Variants in FHOD3 observed in about 807,000 individuals in gnomAD.
FHOD3 encodes formin homology 2 domain containing 3.
In FHOD3, 90 loss-of-function variants were observed where a neutral mutation model predicts 173.0. That is an observed-to-expected ratio of 0.52 (90% confidence interval 0.44 to 0.62). FHOD3 has a LOEUF of 0.62. Among genes scored for constraint, FHOD3 ranks in the 20% least tolerant of loss-of-function variants. The pLI is 0.00. For synonymous variants in FHOD3, 828 were observed against 823.0 expected (o/e 1.01, Z -0.10); for missense variants, 1,945 against 2,034.7 (o/e 0.96, Z 0.85).
At chr18:36,434,628 T>G (rs2050720327) in intron 3 of FHOD3, among the ~76,000 whole-genome samples, 1 of 152,200 alleles carries the variant, frequency 6.6e-6, no homozygotes, top group Non-Finnish European at 1.5e-5. Flanking sequence ...GCAGTGAAAG[T>G]GAATCTGTAG....
In FHOD3 at chr18:36,765,947, C is replaced by T. The variant is rs553673427; in HGVS notation, c.4625-3318C>T. Among the ~76,000 whole-genome samples, 131 of 151,984 alleles carry T rather than the reference C, an allele frequency of 8.6e-4. 1 individual carries two copies. Among genetic ancestry groups the T allele is most frequent in the Middle Eastern group, 3.4e-3 (1 of 294 alleles). ...AGAGATGGCTGAGAATTTACCAAAA[C>T]AGATAAATATCAACCAACATATTTA... On this transcript the variant is annotated intron_variant, in intron 27 of 28. Transcript: ENST00000590592.
intron 3 of FHOD3, among the ~76,000 whole-genome samples, chr18:36,484,753 G>C (rs912608951): frequency 6.6e-6 from 1 of 152,150 alleles, no homozygotes; most frequent in African/African-American, 2.4e-5. Context: ...AGCCCCCCAG[G>C]GGGTGTGGTG....
chr18:36,770,770 T>A (rs1176982904), intron 28 of FHOD3, among the ~76,000 whole-genome samples: 2 of 152,180 alleles, frequency 1.3e-5, no homozygotes, highest in Non-Finnish European at 2.9e-5. Flanking sequence ...CAGAGATGTT[T>A]AAATTCCTGA....
intron 3 of FHOD3, among the ~76,000 whole-genome samples, chr18:36,408,031 C>A (rs951075425): frequency 1.1e-4 from 17 of 152,162 alleles, no homozygotes; most frequent in African/African-American, 3.9e-4. Context: ...GTGGCCTTGG[C>A]TGCTCAACTT....
chr18:36,449,731 ATTAG>A (rs1184208243), intron 3 of FHOD3, among the ~76,000 whole-genome samples: 2 of 152,170 alleles, frequency 1.3e-5, no homozygotes, highest in African/African-American at 4.8e-5. Context: ...ATACATAATA[ATTAG>A]TTTGTTCAGT....
intron 27 of FHOD3, among the ~76,000 whole-genome samples, 190 bp from the exon 28 acceptor site, chr18:36,769,075 G>A (rs751603823): frequency 6.6e-5 from 10 of 152,208 alleles, no homozygotes; most frequent in African/African-American, 1.4e-4. Flanking sequence ...GCAGTCACGA[G>A]TTATGGTGGT....
intron 3 of FHOD3, among the ~76,000 whole-genome samples, chr18:36,474,131 C>G (rs1476050806): frequency 1.3e-5 from 2 of 151,372 alleles, no homozygotes; most frequent in African/African-American, 4.9e-5. Context: ...ACTTATGCAT[C>G]ATAGAACAGT....
At chr18:36,363,590 A>G (rs779212795) in intron 2 of FHOD3, among the ~76,000 whole-genome samples, 9 of 152,188 alleles carry the variant, frequency 5.9e-5, no homozygotes, top group Non-Finnish European at 1.3e-4. Flanking sequence ...GAGAAAGGCA[A>G]AAAGCTATGG....
At chr18:36,528,993 G>A (rs964076647) in intron 5 of FHOD3, among the ~76,000 whole-genome samples, 6 of 152,174 alleles carry the variant, frequency 3.9e-5, no homozygotes, top group African/African-American at 1.2e-4. Context: ...ATGCTCTTGG[G>A]AGAGGATTCT....
At chr18:36,410,702 A>G (rs1221579027) in intron 3 of FHOD3, among the ~76,000 whole-genome samples, 1 of 152,120 alleles carries the variant, frequency 6.6e-6, no homozygotes, top group African/African-American at 2.4e-5. Context: ...GTTTTTAGTG[A>G]GTTTGAAATT....
intron 3 of FHOD3, among the ~76,000 whole-genome samples, chr18:36,478,694 C>T (rs1188557165): frequency 6.6e-6 from 1 of 152,122 alleles, no homozygotes. Flanking sequence ...TGGATTGTAT[C>T]CCACTTCTCT....
At chr18:36,614,797 G>T (rs1213797744) in intron 9 of FHOD3, among the ~76,000 whole-genome samples, 2 of 146,028 alleles carry the variant, frequency 1.4e-5, no homozygotes, top group African/African-American at 5.1e-5. Flanking sequence ...TATAGTTTCT[G>T]TGGAGAAATA....
intron 5 of FHOD3, among the ~76,000 whole-genome samples, chr18:36,552,292 CTGTT>C (rs2057690500): frequency 6.6e-6 from 1 of 152,038 alleles, no homozygotes; most frequent in East Asian, 1.9e-4. Context: ...ATTTGATGCT[CTGTT>C]TGTCTGTTAT....
intron 5 of FHOD3, among the ~76,000 whole-genome samples, chr18:36,527,254 A>G (rs944486819): frequency 1.3e-5 from 2 of 152,228 alleles, no homozygotes; most frequent in Admixed American, 1.3e-4. Context: ...AGAGAAGCAC[A>G]TCATCATCTG....
In FHOD3 at chr18:36,779,593, C is replaced by T; in HGVS notation, c.*63C>T. 6.8e-7 allele frequency: 1 copy of T among 1,469,246 alleles called. No homozygotes were observed. Among genetic ancestry groups the T allele is most frequent in the South Asian group, 1.1e-5 (1 of 87,868 alleles). 91.0% of individuals were successfully genotyped at this position (1,469,246 alleles called of 1,614,324 possible). A position where few individuals can be genotyped will look rare whatever the true frequency, so the allele number is the denominator to read the frequency against. ...GGCAAGCTCTTGCTGGATGAAACCC[C>T]TCCAGGTGGGGTTGGGGAGACTTGA... On this transcript the variant is annotated 3_prime_UTR_variant, in exon 29 of 29. Transcript: ENST00000590592.
intron 1 of FHOD3, among the ~76,000 whole-genome samples, chr18:36,299,674 C>T (rs1189697860): frequency 6.6e-6 from 1 of 152,114 alleles, no homozygotes; most frequent in Admixed American, 6.5e-5. Context: ...CTCCACTGCC[C>T]CCCTCCTCAC....
Position 36,779,633 on chromosome 18 carries a change from AG to A in FHOD3, c.*104del. 1.0e-6 allele frequency: 1 copy of A among 985,370 alleles called. No individual in the cohort carries two copies. Among genetic ancestry groups the A allele is most frequent in the Middle Eastern group, 2.2e-4 (1 of 4,578 alleles). The allele number at this position is 985,370 out of a possible 1,614,324, so 61.0% of individuals were successfully genotyped here. On this transcript the variant is annotated 3_prime_UTR_variant, in exon 29 of 29. Transcript: ENST00000590592. ...GGGAGACTTGATATTCACATCCAACAGTTTGAAAAGGGAGAGCTCAATTCCC... is the reference window on the plus strand; with the variant it reads ...GGGAGACTTGATATTCACATCCAACATTTGAAAAGGGAGAGCTCAATTCCC...
In FHOD3 at chr18:36,595,000, T is replaced by G. The variant is rs1599795180; in HGVS notation, c.718+102T>G. On this transcript the variant is annotated intron_variant, in intron 7 of 28. Transcript: ENST00000590592. ...GAGACAGATATAAGAATTAATAGAA[T>G]TCCCGAGATGTGGACTTCCCACTGC... 21 of 697,902 alleles carry G rather than the reference T, an allele frequency of 3.0e-5. No individual in the cohort carries two copies. In the East Asian group the frequency reaches 6.3e-4, roughly 21 times the overall value. 43.2% of individuals were successfully genotyped at this position (697,902 alleles called of 1,614,324 possible).
chr18:36,577,086 C>G (rs2058682380), intron 6 of FHOD3, among the ~76,000 whole-genome samples: 1 of 147,324 alleles, frequency 6.8e-6, no homozygotes, highest in Non-Finnish European at 1.5e-5. Context: ...GAGCAAGACT[C>G]TGTCTCAAAA....
Sources: gnomAD v4.1 joint callset for allele counts (sites outside exome capture counted in the v4.1 genomes callset) on GRCh38, gnomAD v4.1.1 for gene constraint, MANE v1.5 for transcripts, NCBI Gene and HGNC (gene_info 2026-07-23, HGNC 2026-07-21) for gene names.